SMG7: variants seen among roughly 807,000 people sequenced by gnomAD.
The protein encoded by SMG7 is nonsense-mediated mRNA decay factor SMG7.
A neutral mutation model predicts 148.2 loss-of-function variants in SMG7; 34 were observed. The ratio of observed to expected loss-of-function variants is 0.23; its 90% CI spans 0.17 to 0.31. The LOEUF is 0.31. SMG7 is among the 10% of genes least tolerant of loss of function. The probability of loss-of-function intolerance (pLI) is 1.00; values close to 1 mark genes in which losing one functional copy is unlikely to be tolerated. For missense variants in SMG7, 1,114 were observed against 1,408.4 expected, an observed-to-expected ratio of 0.79 and a Z score of 3.35; for synonymous variants, 492 against 515.1, an observed-to-expected ratio of 0.96 and a Z score of 0.61.
At chr1:183,504,798 A>G (rs1358120828) in intron 1 of SMG7, among the ~76,000 whole-genome samples, 1 of 152,006 alleles carries the variant, frequency 6.6e-6, no homozygotes, top group Non-Finnish European at 1.5e-5. Flanking sequence ...GATCTACCTT[A>G]TCTCTGAAAT....
At chr1:183,535,020 G>A (rs115015766) in intron 10 of SMG7, among the ~76,000 whole-genome samples, 1,975 of 151,852 alleles carry the variant, frequency 0.013, 47 homozygotes, top group African/African-American at 0.045. Context: ...TTAGTAATAC[G>A]GATTTTCAGA....
chr1:183,491,191 T>G (rs1656883566), intron 1 of SMG7, among the ~76,000 whole-genome samples: 1 of 152,196 alleles, frequency 6.6e-6, no homozygotes, highest in Non-Finnish European at 1.5e-5. Context: ...ACTTCTGAAG[T>G]GGGATGATGT....
chr1:183,529,680 T>C (rs1350680776), intron 8 of SMG7, 147 bp downstream of exon 8: 1 of 635,450 alleles, frequency 1.6e-6, no homozygotes, highest in Non-Finnish European at 2.6e-6. Context: ...TCTTTGCATT[T>C]ATCATCCCTT....
intron 2 of SMG7, among the ~76,000 whole-genome samples, chr1:183,514,029 CAAAAAAAA>C (rs1035651769): frequency 2.4e-5 from 1 of 41,320 alleles, no homozygotes; most frequent in Non-Finnish European, 5.3e-5. Context: ...GACTCCGTCT[CAAAAAAAA>C]AAAAAAAAAA....
chr1:183,552,901 A>G lies in SMG7; in HGVS notation c.*970A>G, dbSNP rs1430679892. ...CTTCCCACCCTCCTGCCCCATCTCC[A>G]TCCCTTCTTTTACCCAATGCTGTAT... On this transcript the variant is annotated 3_prime_UTR_variant, in exon 23 of 23. Coordinates refer to ENST00000688051, the MANE Select transcript of SMG7 (RefSeq NM_001375584.1). 1.4e-6 allele frequency: 2 copies of G among 1,480,158 alleles called. No homozygotes were observed. Among genetic ancestry groups the G allele is most frequent in the Non-Finnish European group, 1.8e-6 (2 of 1,116,950 alleles). 91.7% of individuals were successfully genotyped at this position (1,480,158 alleles called of 1,614,324 possible).
Position 183,509,586 on chromosome 1 carries a change from A to G in SMG7, c.30-3251A>G, listed in dbSNP as rs77427725. Reference sequence around the variant, plus strand: ...CCATTTAGCTGTCTTTATCAATTCAATTTAGCAAGGTTACTTTTAAAAAGA... The same window carrying G: ...CCATTTAGCTGTCTTTATCAATTCAGTTTAGCAAGGTTACTTTTAAAAAGA... On this transcript the variant is annotated intron_variant, in intron 1 of 22. Transcript: ENST00000688051. 8.9e-3 allele frequency among the ~76,000 whole-genome samples: 1,362 copies of G among 152,240 alleles called. 5 individuals carry two copies. The highest frequency in any genetic ancestry group is 0.015 in the Non-Finnish European group (1,034 of 68,014).
At chr1:183,490,749 C>T (rs1656750327) in intron 1 of SMG7, among the ~76,000 whole-genome samples, 1 of 152,028 alleles carries the variant, frequency 6.6e-6, no homozygotes, top group Admixed American at 6.6e-5. Context: ...AACCATCACC[C>T]TGATCAAGAA....
chr1:183,534,465 A>T (rs1031816986), intron 10 of SMG7, among the ~76,000 whole-genome samples: 6 of 152,170 alleles, frequency 3.9e-5, no homozygotes, highest in African/African-American at 1.4e-4. Context: ...GCATATTTTG[A>T]TGGTATATTT....
chr1:183,487,623 T>C (rs1655804659), intron 1 of SMG7, among the ~76,000 whole-genome samples: 1 of 152,208 alleles, frequency 6.6e-6, no homozygotes. Context: ...TTACTTTGCA[T>C]CCCTGATCCT....
chr1:183,549,304 A>G lies in SMG7; in HGVS notation c.2973+16A>G, dbSNP rs768133906. The G allele has an allele frequency of 5.1e-6, 8 of 1,567,362 alleles. No homozygotes were observed. The highest frequency in any genetic ancestry group is 7.0e-6 in the Non-Finnish European group (8 of 1,137,512). ...TCTCAATCAGGTAGGTGAACAATGA[A>G]GAATCCTGCTGTGTGCTTTTAGTGT... On this transcript the variant is annotated intron_variant, in intron 19 of 22. Transcript: ENST00000688051.
intron 11 of SMG7, among the ~76,000 whole-genome samples, chr1:183,538,052 A>C (rs1668112354): frequency 6.6e-6 from 1 of 152,222 alleles, no homozygotes; most frequent in Non-Finnish European, 1.5e-5. Flanking sequence ...GTTATTCAAT[A>C]CTTTCAGTAA....
chr1:183,544,305 A>AT (rs1415290258), intron 14 of SMG7, 48 bp from the exon 15 acceptor site: 1 of 1,526,654 alleles, frequency 6.6e-7, no homozygotes, highest in Non-Finnish European at 9.1e-7. Flanking sequence ...TTTCTAGCAC[A>AT]TTTGAGTTTC....
intron 1 of SMG7, among the ~76,000 whole-genome samples, chr1:183,488,904 G>A (rs1388304471): frequency 1.3e-5 from 2 of 151,944 alleles, no homozygotes; most frequent in South Asian, 2.1e-4. Flanking sequence ...GGCAGGTCTC[G>A]AACTTCTGAC....
At chr1:183,521,390 G>C (rs1451499146) in intron 4 of SMG7, among the ~76,000 whole-genome samples, 1 of 152,164 alleles carries the variant, frequency 6.6e-6, no homozygotes, top group Non-Finnish European at 1.5e-5. Flanking sequence ...GTGAGCCACT[G>C]CACCTGGCCT....
intron 8 of SMG7, among the ~76,000 whole-genome samples, chr1:183,531,863 AT>A (rs1334450883): frequency 6.6e-6 from 1 of 152,154 alleles, no homozygotes; most frequent in Non-Finnish European, 1.5e-5. Context: ...ACGCCAGCTG[AT>A]TTAGAAGGTT....
At chr1:183,501,105 G>A (rs1659618073) in intron 1 of SMG7, 2 of 152,114 alleles carry the variant, frequency 1.3e-5, no homozygotes, top group East Asian at 1.9e-4. Context: ...TATAGACTGA[G>A]GATAATAATA....
At chr1:183,517,552 A>G in intron 3 of SMG7, 136 bp from the exon 4 acceptor site, 1 of 844,008 alleles carries the variant, frequency 1.2e-6, no homozygotes, top group Non-Finnish European at 2.0e-6. Flanking sequence ...TTATTTAAAT[A>G]AATGAATAAC....
chr1:183,487,756 G>A (rs1655853974), intron 1 of SMG7, among the ~76,000 whole-genome samples: 3 of 152,220 alleles, frequency 2.0e-5, no homozygotes, highest in Non-Finnish European at 4.4e-5. Context: ...TGATGTGTTT[G>A]TTGATGGAGC....
chr1:183,490,438 A>G (rs960797187), intron 1 of SMG7, among the ~76,000 whole-genome samples: 1 of 152,208 alleles, frequency 6.6e-6, no homozygotes, highest in Non-Finnish European at 1.5e-5. Flanking sequence ...CTATGCAGAA[A>G]GCATTTTAAG....
Sources: gnomAD v4.1 joint callset for allele counts (sites outside exome capture counted in the v4.1 genomes callset) on GRCh38, gnomAD v4.1.1 for gene constraint, MANE v1.5 for transcripts, NCBI Gene and HGNC (gene_info 2026-07-23, HGNC 2026-07-21) for gene names.